Variants in FRMD4A observed in about 807,000 individuals in gnomAD.
FRMD4A encodes FERM domain containing 4A.
Under a neutral mutation model 129.1 loss-of-function variants are expected in FRMD4A, and 29 were observed. That is an observed-to-expected ratio of 0.22 (90% CI 0.17 to 0.31). The LOEUF is 0.31. Ranked by LOEUF, FRMD4A falls within the 10% of genes least tolerant of loss-of-function variation. FRMD4A has a pLI of 1.00. For missense variants in FRMD4A, 1,272 were observed against 1,375.8 expected, an observed-to-expected ratio of 0.92 and a Z score of 1.19; for synonymous variants, 634 against 571.6, an observed-to-expected ratio of 1.11 and a Z score of -1.56.
At chr10:14,265,449 G>A (rs1449159290) in intron 2 of FRMD4A, among the ~76,000 whole-genome samples, 2 of 152,138 alleles carry the variant, frequency 1.3e-5, no homozygotes, top group African/African-American at 4.8e-5. Context: ...TTGTATTTAT[G>A]TGATATTAAA....
At chr10:14,126,760 C>A (rs1240426950) in intron 2 of FRMD4A, among the ~76,000 whole-genome samples, 2 of 152,054 alleles carry the variant, frequency 1.3e-5, no homozygotes, top group Non-Finnish European at 2.9e-5. Context: ...GCTATCTGAA[C>A]AAAATGTGGG....
At chr10:14,290,438 C>T (rs1021768296) in intron 2 of FRMD4A, among the ~76,000 whole-genome samples, 3 of 151,988 alleles carry the variant, frequency 2.0e-5, no homozygotes, top group Non-Finnish European at 4.4e-5. Context: ...TATATACAGT[C>T]AACTGATTTT....
chr10:14,330,307 G>GAAAAAAA (rs35432616), intron 1 of FRMD4A, 124 bp from the exon 2 acceptor site: 53 of 426,464 alleles, frequency 1.2e-4, no homozygotes, highest in African/African-American at 1.0e-3. Flanking sequence ...GCTTAGGGAG[G>GAAAAAAA]AAAAAAAAAA....
intron 2 of FRMD4A, among the ~76,000 whole-genome samples, chr10:14,181,444 G>A (rs1841910418): frequency 1.3e-5 from 2 of 152,160 alleles, no homozygotes; most frequent in Admixed American, 6.5e-5. Flanking sequence ...AGGCATCTGG[G>A]CGGAAGCAAT....
At chr10:13,998,124 C>T (rs543997401) in intron 2 of FRMD4A, among the ~76,000 whole-genome samples, 1 of 152,284 alleles carries the variant, frequency 6.6e-6, no homozygotes, top group African/African-American at 2.4e-5. Flanking sequence ...TTTGGAGTGG[C>T]TTCAGGTCCA....
At chr10:13,996,986 G>GCAAAACAAAACAAAACAAAA (rs55648919) in intron 2 of FRMD4A, among the ~76,000 whole-genome samples, 9 of 149,640 alleles carry the variant, frequency 6.0e-5, no homozygotes, top group Non-Finnish European at 1.0e-4. Flanking sequence ...AAAAATTGAG[G>GCAAAACAAAACAAAACAAAA]CAAAACAAAA....
At chr10:13,971,680 C>A in intron 2 of FRMD4A, 1 of 1,304,176 alleles carries the variant, frequency 7.7e-7, no homozygotes, top group South Asian at 1.2e-5. Flanking sequence ...TGGAGATGCA[C>A]CATGGTTTTA....
At chr10:13,891,053 A>G (rs1351073492) in intron 2 of FRMD4A, among the ~76,000 whole-genome samples, 2 of 152,176 alleles carry the variant, frequency 1.3e-5, no homozygotes, top group Non-Finnish European at 2.9e-5. Context: ...TGCCTCCAAT[A>G]TAGAAGCACT....
intron 2 of FRMD4A, among the ~76,000 whole-genome samples, chr10:14,197,246 A>G (rs1842498103): frequency 6.6e-6 from 1 of 152,220 alleles, no homozygotes; most frequent in Admixed American, 6.5e-5. Flanking sequence ...GACCCCATTT[A>G]TTGTGTTATG....
chr10:13,786,202 C>A (rs1309249074), intron 5 of FRMD4A, among the ~76,000 whole-genome samples: 1 of 152,252 alleles, frequency 6.6e-6, no homozygotes, highest in African/African-American at 2.4e-5. Context: ...GCCACACTGT[C>A]TTCCACAATG....
chr10:14,235,755 C>A (rs569873445), intron 2 of FRMD4A, among the ~76,000 whole-genome samples: 1 of 152,324 alleles, frequency 6.6e-6, no homozygotes, highest in East Asian at 1.9e-4. Context: ...AGCAGAATAT[C>A]TTCTGTCCTT....
In FRMD4A at chr10:14,295,164, C is replaced by G. The variant is rs73585004; in HGVS notation, c.45+34894G>C. 7.0e-3 allele frequency among the ~76,000 whole-genome samples: 1,068 copies of G among 152,212 alleles called. 9 individuals are homozygous for G. Among genetic ancestry groups the G allele is most frequent in the African/African-American group, 0.025 (1,032 of 41,530 alleles). On this transcript the variant is annotated intron_variant, in intron 2 of 24. Transcript: ENST00000357447. ...ACATCAACATGCTTGGAGGGCTTTGCAACCTTCCAGATTACCCCAGTGGGT... is the reference window on the plus strand; with the variant it reads ...ACATCAACATGCTTGGAGGGCTTTGGAACCTTCCAGATTACCCCAGTGGGT...
intron 2 of FRMD4A, among the ~76,000 whole-genome samples, chr10:14,223,500 T>C (rs1190241708): frequency 6.6e-6 from 1 of 152,066 alleles, no homozygotes; most frequent in Non-Finnish European, 1.5e-5. Context: ...CCAGCACTTT[T>C]GGAGGTCAAG....
At chr10:14,234,875 C>T (rs187487639) in intron 2 of FRMD4A, among the ~76,000 whole-genome samples, 4 of 152,248 alleles carry the variant, frequency 2.6e-5, no homozygotes, top group African/African-American at 9.6e-5. Context: ...TCAGTTGCTA[C>T]TGAGTCTCAT....
At chr10:13,687,782 C>G (rs370590421) in intron 15 of FRMD4A, among the ~76,000 whole-genome samples, 5 of 152,210 alleles carry the variant, frequency 3.3e-5, no homozygotes, top group Non-Finnish European at 7.3e-5. Context: ...TGGTCAATAA[C>G]AGAGGCACTG....
intron 2 of FRMD4A, among the ~76,000 whole-genome samples, chr10:14,133,224 C>T (rs549847399): frequency 2.5e-4 from 38 of 152,218 alleles, no homozygotes; most frequent in Admixed American, 2.6e-4. Flanking sequence ...CTATTTGGGT[C>T]GTGAGGCCTT....
intron 2 of FRMD4A, among the ~76,000 whole-genome samples, chr10:14,039,363 C>CGTCT (rs1833654781): frequency 9.2e-6 from 1 of 108,630 alleles, no homozygotes; most frequent in South Asian, 2.9e-4. Flanking sequence ...CTGATCTGTC[C>CGTCT]GTCCGTCCAT....
intron 3 of FRMD4A, among the ~76,000 whole-genome samples, chr10:13,812,500 C>T (rs922114944): frequency 3.9e-5 from 6 of 152,206 alleles, no homozygotes; most frequent in African/African-American, 1.4e-4. Flanking sequence ...TTATTGAATG[C>T]CTACTATGTA....
intron 7 of FRMD4A, 107 bp from the exon 8 acceptor site, chr10:13,761,776 C>A: frequency 1.4e-6 from 1 of 707,402 alleles, no homozygotes; most frequent in South Asian, 1.9e-5. Context: ...GAGATGAGTT[C>A]AGCTTCCTGC....
Sources: gnomAD v4.1 joint callset for allele counts (sites outside exome capture counted in the v4.1 genomes callset) on GRCh38, gnomAD v4.1.1 for gene constraint, MANE v1.5 for transcripts, NCBI Gene and HGNC (gene_info 2026-07-23, HGNC 2026-07-21) for gene names.